The following NT5C3A variants were observed in gnomAD, a reference collection of about 807,000 sequenced individuals.
The protein encoded by NT5C3A is cytosolic 5'-nucleotidase 3A.
NT5C3A carries 23 observed loss-of-function variants against 40.0 expected under a neutral mutation model. The ratio of observed to expected loss-of-function variants is 0.58; its 90% CI spans 0.41 to 0.81. NT5C3A has a LOEUF of 0.81. Among genes scored for constraint, NT5C3A ranks in the 40% least tolerant of loss-of-function variants. NT5C3A has a pLI of 0.00. For synonymous variants in NT5C3A, 130 were observed against 141.4 expected, an observed-to-expected ratio of 0.92 and a Z score of 0.57; for missense variants, 328 against 403.0, an observed-to-expected ratio of 0.81 and a Z score of 1.59.
At chr7:33,059,857 C>T (rs540621957) in intron 1 of NT5C3A, among the ~76,000 whole-genome samples, 4 of 152,304 alleles carry the variant, frequency 2.6e-5, no homozygotes, top group South Asian at 4.1e-4. Flanking sequence ...AATCATCTTT[C>T]GCAAGCAATA....
chr7:33,017,407 T>C (rs539019582), intron 7 of NT5C3A, 32 bp downstream of exon 7: 1 of 1,502,560 alleles, frequency 6.7e-7, no homozygotes, highest in South Asian at 1.2e-5. Flanking sequence ...TTTCAGATTT[T>C]AAAATTATGA....
intron 1 of NT5C3A, among the ~76,000 whole-genome samples, chr7:33,058,148 TAGAAA>T: frequency 6.6e-6 from 1 of 152,202 alleles, no homozygotes; most frequent in East Asian, 1.9e-4. Flanking sequence ...CAGGAGAAAT[TAGAAA>T]AGAAGTCGGT....
chr7:33,030,146 T>C (rs1205053634), intron 1 of NT5C3A, among the ~76,000 whole-genome samples: 2 of 152,230 alleles, frequency 1.3e-5, no homozygotes, highest in Admixed American at 1.3e-4. Flanking sequence ...ACTTGAGATA[T>C]GGGGTATTTT....
chr7:33,014,856 A>T, intron 8 of NT5C3A, 25 bp from the exon 9 acceptor site: 1 of 1,587,486 alleles, frequency 6.3e-7, no homozygotes, highest in South Asian at 1.1e-5. Flanking sequence ...AACAAAAGAA[A>T]ATTAACATGC....
At chr7:33,027,667 C>CAG (rs36099404) in intron 1 of NT5C3A, among the ~76,000 whole-genome samples, 127,494 of 151,882 alleles carry the variant, frequency 0.84, 54,008 homozygotes, top group African/African-American at 0.96. Flanking sequence ...TGATGCAATC[C>CAG]AGAGAGCCCA....
chr7:33,017,384 A>C, intron 7 of NT5C3A, 55 bp downstream of exon 7: 1 of 1,366,688 alleles, frequency 7.3e-7, no homozygotes, highest in African/African-American at 1.5e-5. Flanking sequence ...ATAAATTTAC[A>C]TGATTAAAAT....
At chr7:33,028,152 A>G (rs191777175) in intron 1 of NT5C3A, among the ~76,000 whole-genome samples, 3 of 152,350 alleles carry the variant, frequency 2.0e-5, no homozygotes, top group East Asian at 3.9e-4. Flanking sequence ...ATAACTGCCA[A>G]AAAGTATTGT....
In NT5C3A at chr7:33,035,859, T is replaced by C. The variant is rs951182662; in HGVS notation, c.139-8944A>G. ...GTATAAAATTTCAGTCCCATAATTA[T>C]CTGGTTAGAGACAGAGGTAAAAGTG... On this transcript the variant is annotated intron_variant, in intron 1 of 8. Transcript: ENST00000610140. The C allele has an allele frequency of 1.9e-5, 22 of 1,168,796 alleles. No homozygotes were observed. In the East Asian group the frequency reaches 5.1e-4, roughly 27 times the overall value. 72.4% of individuals were successfully genotyped at this position (1,168,796 alleles called of 1,614,324 possible).
At chr7:33,052,799 G>A (rs1265794491) in intron 1 of NT5C3A, among the ~76,000 whole-genome samples, 2 of 152,130 alleles carry the variant, frequency 1.3e-5, no homozygotes, top group Admixed American at 1.3e-4. Flanking sequence ...ACAATCACCT[G>A]CAGGCTTGTT....
chr7:33,031,789 T>C (rs899589492), intron 1 of NT5C3A, among the ~76,000 whole-genome samples: 1 of 152,090 alleles, frequency 6.6e-6, no homozygotes, highest in African/African-American at 2.4e-5. Flanking sequence ...TTTATAAATA[T>C]GTATGTTCAT....
At chr7:33,015,635 T>C (rs762491753) in intron 8 of NT5C3A, 35 bp downstream of exon 8, 7 of 1,392,182 alleles carry the variant, frequency 5.0e-6, no homozygotes, top group Non-Finnish European at 1.0e-6. Context: ...ATCCTAATAT[T>C]TTCTTCGAAA....
intron 5 of NT5C3A, among the ~76,000 whole-genome samples, chr7:33,020,074 C>A (rs1316564392): frequency 6.6e-6 from 1 of 152,122 alleles, no homozygotes; most frequent in Non-Finnish European, 1.5e-5. Context: ...ATTAGAGCAA[C>A]CCCATTTTTA....
intron 4 of NT5C3A, 56 bp from the exon 5 acceptor site, chr7:33,021,413 G>A: frequency 6.3e-7 from 1 of 1,578,898 alleles, no homozygotes; most frequent in Non-Finnish European, 8.6e-7. Context: ...AATCTGCTTG[G>A]TTTTATAGAA....
chr7:33,036,024 A>G (rs752111439), intron 1 of NT5C3A: 2 of 1,536,804 alleles, frequency 1.3e-6, no homozygotes, highest in Admixed American at 1.7e-5. Flanking sequence ...GCAAAAGAGA[A>G]AAAAAAAAGT....
At chr7:33,027,601 T>C (rs1786014344) in intron 1 of NT5C3A, among the ~76,000 whole-genome samples, 2 of 152,190 alleles carry the variant, frequency 1.3e-5, no homozygotes, top group African/African-American at 4.8e-5. Flanking sequence ...AACATTTAAA[T>C]TTATTTTCTA....
intron 4 of NT5C3A, 129 bp downstream of exon 4, chr7:33,021,924 T>A (rs1785647250): frequency 1.5e-6 from 1 of 687,272 alleles, no homozygotes; most frequent in African/African-American, 1.8e-5. Context: ...ACTGAGTGCT[T>A]ACTATGTGCC....
At position 33,036,507 on chromosome 7, in the gene NT5C3A, T is replaced by C. The variant is rs1005185762; in HGVS notation, c.139-9592A>G. Reference sequence around the variant, plus strand: ...AGCAAGGGTTTTACTCTATCCAGCATAGTTTTAGATTAACCATTTTGTATG... The same window carrying C: ...AGCAAGGGTTTTACTCTATCCAGCACAGTTTTAGATTAACCATTTTGTATG... On this transcript the variant is annotated intron_variant, in intron 1 of 8. Coordinates refer to ENST00000610140, the MANE Select transcript of NT5C3A (RefSeq NM_001002010.5). 3 of 156,556 alleles carry C rather than the reference T, an allele frequency of 1.9e-5. No individual in the cohort carries two copies. In the South Asian group the frequency reaches 5.7e-4, roughly 30 times the overall value. The allele number at this position is 156,556 out of a possible 1,614,324, so 9.7% of individuals were successfully genotyped here.
intron 1 of NT5C3A, chr7:33,046,045 A>C (rs752717287): frequency 2.6e-5 from 4 of 152,178 alleles, no homozygotes; most frequent in Admixed American, 1.3e-4. Flanking sequence ...TGATCCTTTC[A>C]CCTCAACCTC....
intron 1 of NT5C3A, 85 bp downstream of exon 1, chr7:33,062,483 A>AGCG (rs1562608295): frequency 3.1e-6 from 4 of 1,276,356 alleles, no homozygotes; most frequent in Non-Finnish European, 4.5e-6. Flanking sequence ...GCGACCGAAC[A>AGCG]GCGGCCCAGC....
Sources: gnomAD v4.1 joint callset for allele counts (sites outside exome capture counted in the v4.1 genomes callset) on GRCh38, gnomAD v4.1.1 for gene constraint, MANE v1.5 for transcripts, NCBI Gene and HGNC (gene_info 2026-07-23, HGNC 2026-07-21) for gene names.